Variants in ZFHX3 observed in about 807,000 individuals in gnomAD.
ZFHX3 encodes zinc finger homeobox 3, also known as zinc finger homeobox protein 3.
In ZFHX3, 42 loss-of-function variants were observed where a neutral mutation model predicts 279.1. That is an observed-to-expected ratio of 0.15 (90% CI 0.12 to 0.19). The LOEUF is 0.19. ZFHX3 is among the 10% of genes least tolerant of loss of function. The pLI, the probability that ZFHX3 is intolerant of heterozygous loss-of-function variation, is 1.00. For missense variants in ZFHX3, 4,981 were observed against 4,754.0 expected, an observed-to-expected ratio of 1.05 and a Z score of -1.40; for synonymous variants, 2,293 against 1,957.8, an observed-to-expected ratio of 1.17 and a Z score of -4.52.
intron 1 of ZFHX3, among the ~76,000 whole-genome samples, chr16:73,750,664 G>A (rs138925727): frequency 4.7e-4 from 71 of 152,182 alleles, no homozygotes; most frequent in East Asian, 4.6e-3. Context: ...AGGAGGTAAG[G>A]CGAGCACTGC....
chr16:73,108,971 G>T lies in ZFHX3; in HGVS notation c.-896-15373C>A, dbSNP rs78072667. Among the ~76,000 whole-genome samples the T allele has an allele frequency of 3.5e-4, 52 of 149,622 alleles. 1 individual carries two copies. The East Asian group carries it at 6.6e-3, about 19-fold the overall frequency. ...CGATTTGGTGGTGCAGCAAAGAGGT[G>T]CGGCTAACAAGCTGATAGGCACTGG... is the stretch of plus-strand genomic sequence containing the variant. On this transcript the variant is annotated intron_variant, in intron 7 of 17. Coordinates refer to the ZFHX3 transcript ENST00000641206.
chr16:73,534,850 A>G (rs2019867373), intron 2 of ZFHX3, among the ~76,000 whole-genome samples: 1 of 152,088 alleles, frequency 6.6e-6, no homozygotes, highest in Non-Finnish European at 1.5e-5. Flanking sequence ...ACATAAGGAA[A>G]CCTTTAGATT....
intron 5 of ZFHX3, among the ~76,000 whole-genome samples, chr16:73,168,439 A>G (rs1967444749): frequency 6.6e-6 from 1 of 151,962 alleles, no homozygotes; most frequent in South Asian, 2.1e-4. Context: ...GTTTTGTTGT[A>G]GAAATGCAGA....
chr16:73,290,954 C>T (rs1730154320), intron 4 of ZFHX3, among the ~76,000 whole-genome samples: 1 of 152,182 alleles, frequency 6.6e-6, no homozygotes, highest in Non-Finnish European at 1.5e-5. Flanking sequence ...TGGGAAAAAA[C>T]ATCATGAGAA....
chr16:72,986,218 C>G (rs1237809459), intron 1 of ZFHX3, among the ~76,000 whole-genome samples: 1 of 152,116 alleles, frequency 6.6e-6, no homozygotes, highest in Admixed American at 6.5e-5. Flanking sequence ...CTGCCCCCAA[C>G]TTCAGGAAGG....
chr16:73,861,524 C>T (rs967346366), intron 1 of ZFHX3, among the ~76,000 whole-genome samples: 1 of 152,084 alleles, frequency 6.6e-6, no homozygotes, highest in Non-Finnish European at 1.5e-5. Flanking sequence ...AACTGAGACC[C>T]CCTAATATAT....
chr16:73,815,175 T>C (rs1960533855), intron 1 of ZFHX3, among the ~76,000 whole-genome samples: 1 of 152,228 alleles, frequency 6.6e-6, no homozygotes, highest in Non-Finnish European at 1.5e-5. Flanking sequence ...ATAGCATCTA[T>C]TGTTATTATT....
chr16:73,242,835 A>T (rs764219106), intron 5 of ZFHX3, among the ~76,000 whole-genome samples: 2 of 152,188 alleles, frequency 1.3e-5, no homozygotes, highest in African/African-American at 4.8e-5. Context: ...CAACCTTGCC[A>T]TCAGTGTGGA....
At chr16:73,036,015 G>A (rs1964887889) in intron 1 of ZFHX3, among the ~76,000 whole-genome samples, 2 of 152,256 alleles carry the variant, frequency 1.3e-5, no homozygotes, top group South Asian at 4.1e-4. Flanking sequence ...ACTATCAAGA[G>A]AAGACTTCTC....
intron 5 of ZFHX3, among the ~76,000 whole-genome samples, chr16:73,198,964 A>G (rs953346855): frequency 6.6e-6 from 1 of 152,254 alleles, no homozygotes; most frequent in African/African-American, 2.4e-5. Context: ...ATGAAAAAGA[A>G]AAAGAAATAA....
intron 5 of ZFHX3, among the ~76,000 whole-genome samples, chr16:73,253,136 C>T (rs1410977764): frequency 6.6e-6 from 1 of 152,156 alleles, no homozygotes; most frequent in Non-Finnish European, 1.5e-5. Context: ...TGGGACTCCT[C>T]TAACAGGCAA....
Position 72,829,782 on chromosome 16 carries a change from C to T in ZFHX3, c.3526G>A (p.Gly1176Arg), listed in dbSNP as rs200043920. Residue 1176 changes from glycine (G) to arginine (R), a missense_variant, in exon 5 of 10, where the codon GGA becomes AGA. Gly to Arg is a moderately radical substitution (Grantham distance 125). Coordinates refer to ENST00000268489, the MANE Select transcript of ZFHX3 (RefSeq NM_006885.4). ...PEELAKDQEGGASSSQAEKEL... is the reference protein window; with the variant it reads ...PEELAKDQEGRASSSQAEKEL... ...CACTTGCCCTGGTCTTTCTCACCTCCGCCCTCTTGGTCCTTAGCAAGCTCC... is the reference window on the plus strand; with the variant it reads ...CACTTGCCCTGGTCTTTCTCACCTCTGCCCTCTTGGTCCTTAGCAAGCTCC... 320 of 1,614,202 alleles carry T rather than the reference C, an allele frequency of 2.0e-4. 2 individuals are homozygous for T. Among genetic ancestry groups the T allele is most frequent in the Middle Eastern group, 8.3e-4 (5 of 6,058 alleles).
At chr16:73,626,875 G>A (rs1449329092) in intron 2 of ZFHX3, among the ~76,000 whole-genome samples, 2 of 152,036 alleles carry the variant, frequency 1.3e-5, no homozygotes, top group East Asian at 3.9e-4. Context: ...CTCCCTCAAT[G>A]TTCAGCCCAG....
intron 4 of ZFHX3, among the ~76,000 whole-genome samples, chr16:73,312,141 G>A (rs1291200496): frequency 6.6e-6 from 1 of 152,090 alleles, no homozygotes. Context: ...TGTGACACGT[G>A]ACAAAAGGAT....
chr16:72,818,434 A>T (rs1031586630), intron 5 of ZFHX3, among the ~76,000 whole-genome samples: 3 of 152,214 alleles, frequency 2.0e-5, no homozygotes, highest in Non-Finnish European at 2.9e-5. Context: ...TGCACTTGAT[A>T]AGTGGCCAAA....
intron 3 of ZFHX3, among the ~76,000 whole-genome samples, chr16:73,418,055 C>T (rs1193737911): frequency 6.7e-6 from 1 of 149,336 alleles, no homozygotes; most frequent in Non-Finnish European, 1.5e-5. Context: ...GACAGTAAGT[C>T]ATGGGATGGA....
At chr16:73,532,627 G>A (rs1004659356) in intron 2 of ZFHX3, among the ~76,000 whole-genome samples, 3 of 152,174 alleles carry the variant, frequency 2.0e-5, no homozygotes, top group African/African-American at 7.2e-5. Context: ...CTTACTAGGA[G>A]TGTAGCCTTA....
chr16:73,732,489 G>A (rs1384546745), intron 1 of ZFHX3, among the ~76,000 whole-genome samples: 1 of 152,196 alleles, frequency 6.6e-6, no homozygotes, highest in Non-Finnish European at 1.5e-5. Flanking sequence ...CTATTCTGGT[G>A]TTTCATATGT....
chr16:73,788,703 G>A (rs563997135), intron 1 of ZFHX3, among the ~76,000 whole-genome samples: 83 of 149,842 alleles, frequency 5.5e-4, no homozygotes, highest in Non-Finnish European at 9.9e-4. Context: ...GGAATGTAGG[G>A]GAATAGGAAA....
Sources: gnomAD v4.1 joint callset for allele counts (sites outside exome capture counted in the v4.1 genomes callset) on GRCh38, gnomAD v4.1.1 for gene constraint, MANE v1.5 for transcripts, NCBI Gene and HGNC (gene_info 2026-07-23, HGNC 2026-07-21) for gene names.